PAPPA2: variants seen among roughly 807,000 people sequenced by gnomAD.
The protein encoded by PAPPA2 is pappalysin-2.
A neutral mutation model predicts 176.4 loss-of-function variants in PAPPA2; 86 were observed. The observed-to-expected ratio is 0.49, with a 90% CI of 0.41 to 0.58. The LOEUF is 0.58. PAPPA2 is among the 20% of genes least tolerant of loss of function. The probability of loss-of-function intolerance (pLI) is 0.00; values close to 1 mark genes in which losing one functional copy is unlikely to be tolerated. For synonymous variants in PAPPA2, 809 were observed against 852.2 expected (o/e 0.95, Z 0.88); for missense variants, 2,073 against 2,256.9 (o/e 0.92, Z 1.65).
chr1:176,792,016 A>G (rs1665199241), intron 19 of PAPPA2, among the ~76,000 whole-genome samples: 1 of 152,204 alleles, frequency 6.6e-6, no homozygotes, highest in South Asian at 2.1e-4. Context: ...CTGTGTAGCC[A>G]CATAGCATGT....
intron 17 of PAPPA2, among the ~76,000 whole-genome samples, chr1:176,780,813 T>C (rs1218855783): frequency 6.6e-6 from 1 of 152,230 alleles, no homozygotes; most frequent in African/African-American, 2.4e-5. Flanking sequence ...GAGGTTCCTA[T>C]TAAATGTTTT....
intron 3 of PAPPA2, among the ~76,000 whole-genome samples, chr1:176,655,511 C>G (rs890287489): frequency 6.6e-6 from 1 of 151,636 alleles, no homozygotes; most frequent in Non-Finnish European, 1.5e-5. Context: ...GGCCAACAAG[C>G]GGATTAAAAA....
At chr1:176,535,288 T>C (rs1270485397) in intron 1 of PAPPA2, among the ~76,000 whole-genome samples, 1 of 152,158 alleles carries the variant, frequency 6.6e-6, no homozygotes, top group Non-Finnish European at 1.5e-5. Context: ...TGTGTTGAGG[T>C]TGTAGAGCAA....
chr1:176,574,074 A>G (rs1016762330), intron 2 of PAPPA2, among the ~76,000 whole-genome samples: 4 of 152,160 alleles, frequency 2.6e-5, no homozygotes, highest in Non-Finnish European at 5.9e-5. Flanking sequence ...GATTCAATCC[A>G]TTAGTGTATT....
At chr1:176,579,330 G>A (rs1652828809) in intron 2 of PAPPA2, among the ~76,000 whole-genome samples, 2 of 152,176 alleles carry the variant, frequency 1.3e-5, no homozygotes, top group South Asian at 2.1e-4. Flanking sequence ...GTTTTCTGTT[G>A]TATGCTCTTC....
At chr1:176,827,634 T>C (rs1326900667) in intron 21 of PAPPA2, among the ~76,000 whole-genome samples, 2 of 152,188 alleles carry the variant, frequency 1.3e-5, no homozygotes, top group African/African-American at 2.4e-5. Context: ...CTATGATTTC[T>C]TTCCTATGGT....
chr1:176,480,047 A>C lies in PAPPA2; in HGVS notation c.-917+16629A>C, dbSNP rs1470692336. Among the ~76,000 whole-genome samples, 5 of 152,220 alleles carry C rather than the reference A, an allele frequency of 3.3e-5. No individual in the cohort carries two copies. In the South Asian group the frequency reaches 6.2e-4, roughly 19 times the overall value. ...AGAGTGGCATTTCCAGCTGCCTGAC[A>C]ACCTCTGTAGCCTAGTGTTGAACAC... On this transcript the variant is annotated intron_variant, in intron 1 of 22. Coordinates refer to ENST00000367662, the MANE Select transcript of PAPPA2 (RefSeq NM_020318.3).
At chr1:176,482,195 T>C (rs1652437701) in intron 1 of PAPPA2, among the ~76,000 whole-genome samples, 1 of 152,164 alleles carries the variant, frequency 6.6e-6, no homozygotes, top group Non-Finnish European at 1.5e-5. Flanking sequence ...TTCAGAAAAG[T>C]CTCCCAATCA....
At chr1:176,585,212 A>G (rs1192772338) in intron 2 of PAPPA2, among the ~76,000 whole-genome samples, 1 of 152,134 alleles carries the variant, frequency 6.6e-6, no homozygotes, top group Non-Finnish European at 1.5e-5. Context: ...TATCTGAGAA[A>G]AACTTTATTT....
chr1:176,780,795 TAAAG>T (rs553380808), intron 17 of PAPPA2, among the ~76,000 whole-genome samples: 16 of 152,316 alleles, frequency 1.1e-4, no homozygotes, highest in African/African-American at 3.8e-4. Context: ...ATTGAATGGT[TAAAG>T]AAAGAGGTTC....
chr1:176,710,024 T>C lies in PAPPA2; in HGVS notation c.3499T>C (p.Cys1167Arg). 1 of 1,613,572 alleles carries C rather than the reference T, an allele frequency of 6.2e-7. No individual in the cohort carries two copies. Among genetic ancestry groups the C allele is most frequent in the South Asian group, 1.1e-5 (1 of 90,996 alleles). Residue 1167 changes from cysteine to arginine, a missense_variant, in exon 11 of 23, where the codon TGT (cysteine) becomes CGT (arginine). Cys to Arg is a radical substitution (Grantham distance 180). Around this residue, in one of 4 missense-constraint regions of PAPPA2, gnomAD observed 846 missense variants for 857.9 expected, o/e 0.99. Transcript: ENST00000367662. ...LCYMYEGDGI[C>R]EPFERKTSIV... ...CTACATGTATGAGGGAGATGGCATA[T>C]GTGAACCTTTTGAGAGAAAAACCAG...
chr1:176,606,042 A>G (rs1043344552), intron 3 of PAPPA2, among the ~76,000 whole-genome samples: 1 of 151,840 alleles, frequency 6.6e-6, no homozygotes, highest in Non-Finnish European at 1.5e-5. Flanking sequence ...TACCTGGTTC[A>G]TAGTAAAATT....
chr1:176,635,716 A>G (rs1656657551), intron 3 of PAPPA2, among the ~76,000 whole-genome samples: 1 of 152,124 alleles, frequency 6.6e-6, no homozygotes, highest in South Asian at 2.1e-4. Context: ...TTTTAACTAA[A>G]TGAATTAAAA....
intron 9 of PAPPA2, among the ~76,000 whole-genome samples, chr1:176,706,019 A>G (rs1447811535): frequency 6.6e-6 from 1 of 152,178 alleles, no homozygotes; most frequent in East Asian, 1.9e-4. Flanking sequence ...TATTCATTAT[A>G]GGGCTGGCAG....
intron 12 of PAPPA2, among the ~76,000 whole-genome samples, chr1:176,715,411 C>T (rs1204393472): frequency 1.3e-5 from 2 of 152,112 alleles, no homozygotes; most frequent in Non-Finnish European, 2.9e-5. Flanking sequence ...GTTTGACCAC[C>T]CCCACTGGAG....
At chr1:176,573,081 A>G (rs1018500952) in intron 2 of PAPPA2, among the ~76,000 whole-genome samples, 1 of 152,176 alleles carries the variant, frequency 6.6e-6, no homozygotes, top group Non-Finnish European at 1.5e-5. Context: ...GTGCTGAGGC[A>G]TCCTGTTGTG....
At chr1:176,682,209 C>T (rs1162996407) in intron 4 of PAPPA2, among the ~76,000 whole-genome samples, 1 of 152,180 alleles carries the variant, frequency 6.6e-6, no homozygotes, top group Non-Finnish European at 1.5e-5. Flanking sequence ...CAGATTGTTT[C>T]TGTGGAGTCT....
chr1:176,610,730 T>C (rs1018629969), intron 3 of PAPPA2, among the ~76,000 whole-genome samples: 1 of 152,184 alleles, frequency 6.6e-6, no homozygotes. Flanking sequence ...CTCTTTCTAA[T>C]ATAGGTTTTC....
At chr1:176,670,594 A>G (rs1237256107) in intron 3 of PAPPA2, among the ~76,000 whole-genome samples, 1 of 152,220 alleles carries the variant, frequency 6.6e-6, no homozygotes, top group Non-Finnish European at 1.5e-5. Flanking sequence ...AGGAAAAGAA[A>G]CTAAGAGTTG....
Sources: allele counts gnomAD v4.1 joint callset (sites outside exome capture counted in the v4.1 genomes callset), GRCh38; gene constraint gnomAD v4.1.1; regional missense constraint gnomAD v4.1.1; transcripts MANE v1.5; gene names NCBI Gene and HGNC (gene_info 2026-07-23, HGNC 2026-07-21).